Variants in PPM1L observed in about 807,000 individuals in gnomAD.
The protein encoded by PPM1L is protein phosphatase 1L.
PPM1L carries 13 observed loss-of-function variants against 31.4 expected under a neutral mutation model. The ratio of observed to expected loss-of-function variants is 0.41; its 90% confidence interval spans 0.27 to 0.66. PPM1L has a LOEUF of 0.66. Ranked by LOEUF, PPM1L falls within the 30% of genes least tolerant of loss-of-function variation. PPM1L has a pLI of 0.29. For synonymous variants in PPM1L, 184 were observed against 175.4 expected (o/e 1.05, Z -0.39); for missense variants, 326 against 453.7 (o/e 0.72, Z 2.56).
At chr3:160,929,338 A>G (rs951025234) in intron 1 of PPM1L, among the ~76,000 whole-genome samples, 8 of 152,198 alleles carry the variant, frequency 5.3e-5, no homozygotes, top group Admixed American at 2.0e-4. Context: ...TGAGGTACTC[A>G]AAACTTCAAA....
chr3:160,955,719 C>T (rs1004587876), intron 1 of PPM1L, among the ~76,000 whole-genome samples: 1 of 147,090 alleles, frequency 6.8e-6, no homozygotes, highest in African/African-American at 2.5e-5. Context: ...GGTGCAATTT[C>T]GGCTCACTGC....
chr3:160,843,426 T>TTATATA (rs55994031), intron 1 of PPM1L, among the ~76,000 whole-genome samples: 1,743 of 46,768 alleles, frequency 0.037, 44 homozygotes, highest in Non-Finnish European at 0.045. Flanking sequence ...GGCAATTCTT[T>TTATATA]TATATATATA....
At chr3:161,050,148 C>G (rs1719225499) in intron 2 of PPM1L, among the ~76,000 whole-genome samples, 1 of 152,144 alleles carries the variant, frequency 6.6e-6, no homozygotes, top group South Asian at 2.1e-4. Context: ...ACTGTTTTTT[C>G]TTTCTCTGGA....
At chr3:160,849,337 T>C (rs1332653703) in intron 1 of PPM1L, among the ~76,000 whole-genome samples, 1 of 152,184 alleles carries the variant, frequency 6.6e-6, no homozygotes, top group Non-Finnish European at 1.5e-5. Context: ...ACATTCAGCA[T>C]TCCCTGCATC....
intron 1 of PPM1L, among the ~76,000 whole-genome samples, chr3:160,765,820 T>C (rs549792372): frequency 1.3e-5 from 2 of 151,938 alleles, no homozygotes; most frequent in East Asian, 3.9e-4. Context: ...AAGCTTCGAC[T>C]TTTTTTTTCT....
In PPM1L at chr3:160,905,130, T is replaced by C. The variant is rs963016698; in HGVS notation, c.400-56606T>C. Among the ~76,000 whole-genome samples, 14 of 152,216 alleles carry C rather than the reference T, an allele frequency of 9.2e-5. No homozygotes were observed. The East Asian group carries it at 2.3e-3, about 25-fold the overall frequency. ...TTCCATGAACTTTTCTAAGGAATGT[T>C]AAGGGTAGTTTTGACTGTATGATTT... On this transcript the variant is annotated intron_variant, in intron 1 of 3. Transcript: ENST00000498165.
chr3:160,872,023 C>A (rs1318448502), intron 1 of PPM1L, among the ~76,000 whole-genome samples: 1 of 152,062 alleles, frequency 6.6e-6, no homozygotes, highest in Non-Finnish European at 1.5e-5. Flanking sequence ...TCTCATTTTA[C>A]CCAGAACAAT....
intron 1 of PPM1L, among the ~76,000 whole-genome samples, chr3:160,876,600 T>A (rs1712520851): frequency 6.6e-6 from 1 of 152,244 alleles, no homozygotes; most frequent in African/African-American, 2.4e-5. Flanking sequence ...GCTATTACTA[T>A]GTGAGTGGCA....
At chr3:161,067,754 C>A (rs943522909) in intron 3 of PPM1L, among the ~76,000 whole-genome samples, 3 of 152,194 alleles carry the variant, frequency 2.0e-5, no homozygotes, top group African/African-American at 7.2e-5. Flanking sequence ...GCCTACTAGA[C>A]CATGCTTCCT....
At chr3:160,834,737 G>A (rs958643406) in intron 1 of PPM1L, among the ~76,000 whole-genome samples, 2 of 152,108 alleles carry the variant, frequency 1.3e-5, no homozygotes, top group African/African-American at 4.8e-5. Flanking sequence ...TGAGATCCAT[G>A]TAAGTTTTCT....
At chr3:161,066,749 C>T (rs1719752819) in intron 3 of PPM1L, among the ~76,000 whole-genome samples, 1 of 152,162 alleles carries the variant, frequency 6.6e-6, no homozygotes, top group Non-Finnish European at 1.5e-5. Context: ...TGGGCCCTTG[C>T]TGTCTGGGTT....
At chr3:160,903,786 G>C (rs1371385570) in intron 1 of PPM1L, among the ~76,000 whole-genome samples, 1 of 151,680 alleles carries the variant, frequency 6.6e-6, no homozygotes, top group Non-Finnish European at 1.5e-5. Flanking sequence ...TGTTCTCTAG[G>C]CGTCTATATT....
chr3:160,963,169 C>T (rs1034691756), intron 2 of PPM1L, among the ~76,000 whole-genome samples: 3 of 151,924 alleles, frequency 2.0e-5, no homozygotes, highest in South Asian at 2.1e-4. Flanking sequence ...TCATATAGTC[C>T]GCCCACTTCT....
Position 161,065,466 on chromosome 3 carries a change from C to T in PPM1L, c.638C>T (p.Ser213Leu), listed in dbSNP as rs753035924. Residue 213 changes from serine (S) to leucine (L), a missense_variant, in exon 3 of 4, where the codon TCG becomes TTG. Ser to Leu is a moderately radical substitution (Grantham distance 145). Coordinates refer to ENST00000498165, the MANE Select transcript of PPM1L (RefSeq NM_139245.4). ...KDLTVANVGD[S>L]RGVLCDKDGN... ...CTCACTGTGGCCAACGTGGGTGACT[C>T]GCGCGGGGTCCTGTGTGACAAAGAT... The T allele has an allele frequency of 5.0e-6, 8 of 1,613,874 alleles. No homozygotes were observed. Among genetic ancestry groups the T allele is most frequent in the East Asian group, 2.2e-5 (1 of 44,884 alleles).
At chr3:161,058,079 T>TATA in intron 2 of PPM1L, among the ~76,000 whole-genome samples, 1 of 149,702 alleles carries the variant, frequency 6.7e-6, no homozygotes. Context: ...TGTTTAGCAT[T>TATA]ATAATAAAAT....
chr3:160,786,075 T>C (rs1576636700), intron 1 of PPM1L, among the ~76,000 whole-genome samples: 1 of 149,958 alleles, frequency 6.7e-6, no homozygotes, highest in East Asian at 1.9e-4. Context: ...CAGAGCACTG[T>C]ATCTTTAAAC....
At chr3:160,835,829 A>G (rs1316559897) in intron 1 of PPM1L, among the ~76,000 whole-genome samples, 4 of 152,116 alleles carry the variant, frequency 2.6e-5, no homozygotes, top group Non-Finnish European at 5.9e-5. Context: ...ATCTTTCCAA[A>G]AACATTTTTT....
At chr3:161,048,330 G>T (rs1719149520) in intron 2 of PPM1L, among the ~76,000 whole-genome samples, 1 of 152,116 alleles carries the variant, frequency 6.6e-6, no homozygotes. Flanking sequence ...CATGATAAAA[G>T]GCTCATCATC....
intron 1 of PPM1L, among the ~76,000 whole-genome samples, chr3:160,883,420 G>A (rs1712793212): frequency 1.3e-5 from 2 of 152,058 alleles, no homozygotes; most frequent in South Asian, 4.1e-4. Flanking sequence ...GATCTGAAAA[G>A]TCCTGCAGTA....
Sources: gnomAD v4.1 joint callset for allele counts (sites outside exome capture counted in the v4.1 genomes callset) on GRCh38, gnomAD v4.1.1 for gene constraint, MANE v1.5 for transcripts, NCBI Gene and HGNC (gene_info 2026-07-23, HGNC 2026-07-21) for gene names.